Variants in NALCN observed in about 807,000 individuals in gnomAD.
NALCN encodes sodium leak channel, non-selective.
Under a neutral mutation model 225.3 loss-of-function variants are expected in NALCN, and 111 were observed. The ratio of observed to expected loss-of-function variants is 0.49; its 90% confidence interval spans 0.42 to 0.58. The LOEUF (loss-of-function observed/expected upper bound fraction) is 0.58, where lower values mean the gene tolerates loss of function less well. Among genes scored for constraint, NALCN ranks in the 20% least tolerant of loss-of-function variants. NALCN has a pLI of 0.00. For missense variants in NALCN, 1,378 were observed against 2,202.4 expected (o/e 0.63, Z 7.49); for synonymous variants, 764 against 769.0 (o/e 0.99, Z 0.11).
chr13:101,391,717 G>A (rs1324183107), intron 3 of NALCN, among the ~76,000 whole-genome samples: 1 of 145,878 alleles, frequency 6.9e-6, no homozygotes, highest in Non-Finnish European at 1.5e-5. Flanking sequence ...TGCCACAGTG[G>A]CTCACGCCTG....
chr13:101,062,222 T>C, intron 40 of NALCN, 104 bp from the exon 41 acceptor site: 2 of 1,382,946 alleles, frequency 1.4e-6, no homozygotes, highest in African/African-American at 1.4e-5. Flanking sequence ...CTAATAAGTC[T>C]AGTGTTTTGA....
At chr13:101,241,248 C>A (rs1272175397) in intron 11 of NALCN, among the ~76,000 whole-genome samples, 3 of 152,144 alleles carry the variant, frequency 2.0e-5, no homozygotes, top group Non-Finnish European at 4.4e-5. Flanking sequence ...TCAAGACCTG[C>A]ATTTAGGGTA....
chr13:101,400,580 TGCAC>T (rs1229651947), intron 1 of NALCN, among the ~76,000 whole-genome samples: 1,778 of 135,718 alleles, frequency 0.013, 78 homozygotes, highest in East Asian at 0.091. Context: ...TGTGTGTGTG[TGCAC>T]GTGTGTGCGC....
chr13:101,205,386 A>G (rs887781881), intron 13 of NALCN, among the ~76,000 whole-genome samples: 1 of 151,946 alleles, frequency 6.6e-6, no homozygotes, highest in Non-Finnish European at 1.5e-5. Flanking sequence ...TTAATAATAA[A>G]AATATTTCAG....
intron 15 of NALCN, among the ~76,000 whole-genome samples, chr13:101,149,282 G>A (rs1258794315): frequency 2.1e-5 from 2 of 95,724 alleles, no homozygotes; most frequent in Non-Finnish European, 4.1e-5. Flanking sequence ...GACACAGCGA[G>A]ACTGTCTCAA....
Position 101,308,813 on chromosome 13 carries a change from A to C in NALCN, c.800-16447T>G, listed in dbSNP as rs562414390. 8.5e-5 allele frequency among the ~76,000 whole-genome samples: 13 copies of C among 152,320 alleles called. 1 individual carries two copies. In the South Asian group the frequency reaches 2.7e-3, roughly 32 times the overall value. ...GGCAAAGTTCCAACTGATGTCTGAT[A>C]AAACAGCTCTTTTTTTCTCACAAAA... On this transcript the variant is annotated intron_variant, in intron 7 of 43. Transcript: ENST00000251127.
chr13:101,064,410 C>G (rs1249833694), intron 40 of NALCN, among the ~76,000 whole-genome samples: 1 of 152,160 alleles, frequency 6.6e-6, no homozygotes, highest in Non-Finnish European at 1.5e-5. Context: ...GAGTCCTAAC[C>G]TCTAGTACCT....
chr13:101,362,074 A>C (rs2139367917), intron 6 of NALCN, among the ~76,000 whole-genome samples: 1 of 152,092 alleles, frequency 6.6e-6, no homozygotes, highest in East Asian at 1.9e-4. Flanking sequence ...CTTGGAGATC[A>C]ATGTGCAGAA....
chr13:101,065,371 C>T, intron 40 of NALCN, 33 bp downstream of exon 40: 2 of 1,610,626 alleles, frequency 1.2e-6, no homozygotes, highest in Non-Finnish European at 1.7e-6. Flanking sequence ...GGTTTCTGGC[C>T]CCCATTCAGC....
chr13:101,257,675 C>T (rs1330866148), intron 11 of NALCN, among the ~76,000 whole-genome samples: 1 of 151,940 alleles, frequency 6.6e-6, no homozygotes, highest in Admixed American at 6.5e-5. Flanking sequence ...CTCACTCACA[C>T]AATGAATGGG....
chr13:101,361,628 C>G lies in NALCN; in HGVS notation c.644+15072G>C, dbSNP rs74117889. 7.3e-3 allele frequency among the ~76,000 whole-genome samples: 1,118 copies of G among 152,226 alleles called. 14 individuals carry two copies. Among genetic ancestry groups the G allele is most frequent in the African/African-American group, 0.025 (1,059 of 41,550 alleles). ...GATACAAGCTGTTTCATCTCAGCCA[C>G]TTTATTTAACTTTACTCAGCTTCAA... On this transcript the variant is annotated intron_variant, in intron 6 of 43. Transcript: ENST00000251127.
chr13:101,143,181 C>T lies in NALCN; in HGVS notation c.2017G>A (p.Asp673Asn). ...MKQFIDRQQQ[D>N]TCCLLRSLPT... ...AGGCTTCTCAGGAGGCAACATGTGTCCTGTTGCTGGCGGTCAATAAACTGC... is the reference window on the plus strand; with the variant it reads ...AGGCTTCTCAGGAGGCAACATGTGTTCTGTTGCTGGCGGTCAATAAACTGC... The change falls in exon 17 of 44, where the codon GAC becomes AAC. Residue 673 changes from aspartate (D) to asparagine (N), a missense_variant. Asp to Asn is a conservative substitution (Grantham distance 23). Transcript: ENST00000251127. The T allele has an allele frequency of 6.2e-7, 1 of 1,613,460 alleles. No homozygotes were observed. Among genetic ancestry groups the T allele is most frequent in the African/African-American group, 1.3e-5 (1 of 74,986 alleles).
chr13:101,365,658 C>G (rs2046360112), intron 6 of NALCN, among the ~76,000 whole-genome samples: 1 of 152,076 alleles, frequency 6.6e-6, no homozygotes, highest in South Asian at 2.1e-4. Flanking sequence ...TTCCCCTGGG[C>G]AAGGTGACCA....
rs370522928 is a variant in NALCN, at chr13:101,266,995, C to T, written c.1135-8421G>A. ...CTTTCCCATCTGTCTGTTCCTGATGCGTCCTTAGAGAGTCAGGACAGAAGG... is the reference window on the plus strand; with the variant it reads ...CTTTCCCATCTGTCTGTTCCTGATGTGTCCTTAGAGAGTCAGGACAGAAGG... On this transcript the variant is annotated intron_variant, in intron 10 of 43. Transcript: ENST00000251127. Among the ~76,000 whole-genome samples the T allele has an allele frequency of 6.1e-4, 93 of 152,186 alleles. 1 individual carries two copies. Among genetic ancestry groups the T allele is most frequent in the South Asian group, 2.1e-4 (1 of 4,830 alleles).
intron 12 of NALCN, among the ~76,000 whole-genome samples, chr13:101,231,412 G>T (rs1438176617): frequency 2.0e-5 from 3 of 152,094 alleles, no homozygotes; most frequent in African/African-American, 4.8e-5. Context: ...AGCTTTTAAG[G>T]ACATATTTAT....
At chr13:101,209,033 T>C (rs961864098) in intron 13 of NALCN, among the ~76,000 whole-genome samples, 8 of 152,326 alleles carry the variant, frequency 5.3e-5, no homozygotes, top group African/African-American at 1.7e-4. Flanking sequence ...CCTTATATGT[T>C]TTCTTGTTGG....
intron 40 of NALCN, among the ~76,000 whole-genome samples, chr13:101,063,212 A>C (rs893449446): frequency 2.6e-5 from 4 of 152,230 alleles, no homozygotes; most frequent in African/African-American, 9.6e-5. Context: ...CCTAGAGCCC[A>C]AATCACAGCC....
chr13:101,149,917 C>T (rs1319198438), intron 15 of NALCN, among the ~76,000 whole-genome samples: 2 of 152,204 alleles, frequency 1.3e-5, no homozygotes, highest in Non-Finnish European at 2.9e-5. Flanking sequence ...AGGTGCGTGC[C>T]TGCAAGAACT....
At chr13:101,269,991 G>T (rs1365381144) in intron 10 of NALCN, among the ~76,000 whole-genome samples, 1 of 152,090 alleles carries the variant, frequency 6.6e-6, no homozygotes, top group Non-Finnish European at 1.5e-5. Flanking sequence ...CATGTTCCCT[G>T]GTGTCTAGAA....
Sources: gnomAD v4.1 joint callset for allele counts (sites outside exome capture counted in the v4.1 genomes callset) on GRCh38, gnomAD v4.1.1 for gene constraint, MANE v1.5 for transcripts, NCBI Gene and HGNC (gene_info 2026-07-23, HGNC 2026-07-21) for gene names.